The following TDRP variants were observed in gnomAD, a reference collection of about 807,000 sequenced individuals.
The protein encoded by TDRP is testis development-related protein.
Under a neutral mutation model 10.5 loss-of-function variants are expected in TDRP, and 12 were observed. The ratio of observed to expected loss-of-function variants is 1.15; its 90% CI spans 0.73 to 1.86. The LOEUF (loss-of-function observed/expected upper bound fraction) is 1.86. Among genes scored for constraint, TDRP ranks in the 40% most tolerant of loss-of-function variants. The pLI is 0.00. For missense variants in TDRP, 353 were observed against 229.2 expected (o/e 1.54, Z -3.49); for synonymous variants, 139 against 95.4 (o/e 1.46, Z -2.67).
intron 1 of TDRP, among the ~76,000 whole-genome samples, chr8:513,050 T>C (rs930740583): frequency 5.9e-5 from 9 of 151,488 alleles, no homozygotes; most frequent in Non-Finnish European, 8.8e-5. Flanking sequence ...GGCCCAGATA[T>C]GTTTGCTACT....
intron 1 of TDRP, among the ~76,000 whole-genome samples, chr8:512,854 C>A (rs1010083019): frequency 6.6e-6 from 1 of 151,948 alleles, no homozygotes; most frequent in Non-Finnish European, 1.5e-5. Context: ...TGCCTGTAAT[C>A]CCAGCTACTC....
At chr8:494,738 C>T (rs985405824) in intron 1 of TDRP, 141 bp from the exon 2 acceptor site, 5 of 689,578 alleles carry the variant, frequency 7.3e-6, no homozygotes, top group African/African-American at 7.2e-5. Flanking sequence ...CCTGTGCGCA[C>T]ATAGTTTACT....
At chr8:519,439 A>G (rs190167656) in intron 1 of TDRP, among the ~76,000 whole-genome samples, 23 of 152,286 alleles carry the variant, frequency 1.5e-4, no homozygotes, top group African/African-American at 5.1e-4. Context: ...ATGGATACCT[A>G]TGACATCAAC....
At chr8:540,329 G>A (rs1189826277) in intron 1 of TDRP, among the ~76,000 whole-genome samples, 1 of 152,196 alleles carries the variant, frequency 6.6e-6, no homozygotes, top group East Asian at 1.9e-4. Context: ...CACATATTAT[G>A]AAGGGAACTC....
At chr8:516,595 A>AC (rs1340950193) in intron 1 of TDRP, among the ~76,000 whole-genome samples, 1 of 151,936 alleles carries the variant, frequency 6.6e-6, no homozygotes, top group Non-Finnish European at 1.5e-5. Flanking sequence ...CAAAACCCAG[A>AC]CCCCCACCAC....
At chr8:523,780 A>C (rs1211356729) in intron 1 of TDRP, among the ~76,000 whole-genome samples, 1 of 152,178 alleles carries the variant, frequency 6.6e-6, no homozygotes, top group African/African-American at 2.4e-5. Context: ...AGGCTGCAGT[A>C]GAATAGAGCA....
intron 1 of TDRP, among the ~76,000 whole-genome samples, chr8:508,072 T>C (rs1185699211): frequency 6.6e-6 from 1 of 152,010 alleles, no homozygotes; most frequent in South Asian, 2.1e-4. Flanking sequence ...AGAACCATTA[T>C]AAATATGTTA....
chr8:529,589 G>A (rs936023457), intron 1 of TDRP, among the ~76,000 whole-genome samples: 3 of 152,146 alleles, frequency 2.0e-5, no homozygotes, highest in Non-Finnish European at 2.9e-5. Flanking sequence ...GGTTATCTGG[G>A]AAGGTCTTTA....
At chr8:526,089 T>G (rs1163585389) in intron 1 of TDRP, among the ~76,000 whole-genome samples, 2 of 152,218 alleles carry the variant, frequency 1.3e-5, no homozygotes, top group Non-Finnish European at 2.9e-5. Context: ...CAATATGCCT[T>G]TATTGTGCCT....
intron 1 of TDRP, among the ~76,000 whole-genome samples, chr8:509,204 G>A (rs1200210449): frequency 6.6e-6 from 1 of 152,174 alleles, no homozygotes; most frequent in Non-Finnish European, 1.5e-5. Flanking sequence ...CAAACTGTCG[G>A]TGGATCTACC....
At chr8:521,845 G>A (rs560291069) in intron 1 of TDRP, among the ~76,000 whole-genome samples, 16 of 152,142 alleles carry the variant, frequency 1.1e-4, no homozygotes, top group African/African-American at 3.9e-4. Context: ...AACAATATAA[G>A]TCTTCCAAAC....
intron 1 of TDRP, among the ~76,000 whole-genome samples, chr8:526,604 C>T (rs974088190): frequency 1.3e-5 from 2 of 152,024 alleles, no homozygotes; most frequent in African/African-American, 4.8e-5. Context: ...ATTTGGTTTG[C>T]CAGTATTTAA....
chr8:494,503 T>G lies in TDRP; in HGVS notation c.203A>C (p.Lys68Thr), dbSNP rs374893630. 4.2e-5 allele frequency: 68 copies of G among 1,613,726 alleles called. 1 individual carries two copies. In the Middle Eastern group the frequency reaches 3.8e-3, roughly 90 times the overall value. Residue 68 changes from lysine (K) to threonine (T), a missense_variant, in exon 2 of 3, where the codon AAG becomes ACG. By Grantham distance (78) the Lys-to-Thr change is moderately conservative. Coordinates refer to ENST00000324079, the MANE Select transcript of TDRP (RefSeq NM_001384899.1). The part of the protein sequence containing the change: ...QHLLERCKSP[K>T]SKGTNLRLKE... ...CACAGTTATGACTTACCCTTTGGAC[T>G]TGGGAGATTTACATCTTTCCAGGAG...
chr8:506,293 C>T (rs1375018749), intron 1 of TDRP, among the ~76,000 whole-genome samples: 1 of 152,056 alleles, frequency 6.6e-6, no homozygotes, highest in Non-Finnish European at 1.5e-5. Context: ...CAAACAAGAC[C>T]ATTTACCCTC....
intron 1 of TDRP, among the ~76,000 whole-genome samples, chr8:519,143 G>C (rs1801831435): frequency 1.3e-5 from 2 of 152,148 alleles, no homozygotes; most frequent in African/African-American, 4.8e-5. Flanking sequence ...CCTAGGGAAT[G>C]AAACCTCCAT....
chr8:513,681 T>A (rs1227995743), intron 1 of TDRP, among the ~76,000 whole-genome samples: 1 of 152,142 alleles, frequency 6.6e-6, no homozygotes, highest in Non-Finnish European at 1.5e-5. Context: ...GTAAAATGCA[T>A]ACAGAAAGGA....
intron 1 of TDRP, among the ~76,000 whole-genome samples, chr8:501,003 G>A (rs554617235): frequency 3.0e-4 from 45 of 152,212 alleles, no homozygotes; most frequent in Admixed American, 1.0e-3. Context: ...TCAGGAGATC[G>A]AGACCATCCT....
chr8:492,664 A>G lies in TDRP; in HGVS notation c.293T>C (p.Ile98Thr), dbSNP rs1044679747. 4 of 1,613,966 alleles carry G rather than the reference A, an allele frequency of 2.5e-6. No homozygotes were observed. The highest frequency in any genetic ancestry group is 1.7e-5 in the Admixed American group (1 of 60,018). The change falls in exon 3 of 3, where the codon ATA becomes ACA. Residue 98 changes from isoleucine (I) to threonine (T), a missense_variant. Physicochemically the swap from Ile to Thr is moderately conservative, Grantham distance 89. Coordinates refer to ENST00000324079, the MANE Select transcript of TDRP (RefSeq NM_001384899.1). ...AATTTCATCTGGTTTTTTAGACTGT[A>G]TATTCTGTTTTAAAACCAAATTGTC... Reference protein sequence around the residue: ...FWDNLVLKQNIQSKKPDEIEG... With the variant: ...FWDNLVLKQNTQSKKPDEIEG...
chr8:513,656 A>C (rs1801676308), intron 1 of TDRP, among the ~76,000 whole-genome samples: 1 of 152,220 alleles, frequency 6.6e-6, no homozygotes, highest in Non-Finnish European at 1.5e-5. Context: ...CAGCCACAGC[A>C]ATTAGACAAG....
Sources: gnomAD v4.1 joint callset for allele counts (sites outside exome capture counted in the v4.1 genomes callset) on GRCh38, gnomAD v4.1.1 for gene constraint, MANE v1.5 for transcripts, NCBI Gene and HGNC (gene_info 2026-07-23, HGNC 2026-07-21) for gene names.